Variants in GPR176 observed in about 807,000 individuals in gnomAD.
The protein encoded by GPR176 is G protein-coupled receptor 176.
GPR176 carries 26 observed loss-of-function variants against 35.4 expected under a neutral mutation model. That is an observed-to-expected ratio of 0.74 (90% CI 0.54 to 1.02). The LOEUF (loss-of-function observed/expected upper bound fraction) is 1.02, where lower values mean the gene tolerates loss of function less well. Among genes scored for constraint, GPR176 ranks in the 50% least tolerant of loss-of-function variants. GPR176 has a pLI of 0.00. For missense variants in GPR176, 597 were observed against 665.3 expected (o/e 0.90, Z 1.13); for synonymous variants, 278 against 271.3 (o/e 1.02, Z -0.24).
chr15:39,831,339 C>T (rs1901064777), intron 1 of GPR176, among the ~76,000 whole-genome samples: 1 of 152,196 alleles, frequency 6.6e-6, no homozygotes, highest in African/African-American at 2.4e-5. Flanking sequence ...CACATCACAG[C>T]TTCAGCTAAA....
chr15:39,871,933 T>C (rs2032057426), intron 1 of GPR176, among the ~76,000 whole-genome samples: 1 of 152,218 alleles, frequency 6.6e-6, no homozygotes, highest in African/African-American at 2.4e-5. Context: ...TGGAAAGACA[T>C]TCATAAATAA....
chr15:39,862,070 G>A (rs184268761), intron 1 of GPR176: 2 of 152,090 alleles, frequency 1.3e-5, no homozygotes, highest in African/African-American at 4.8e-5. Context: ...CCCATTTCTG[G>A]CCCTACCTTT....
At chr15:39,894,230 T>C (rs2033005654) in intron 1 of GPR176, among the ~76,000 whole-genome samples, 1 of 127,490 alleles carries the variant, frequency 7.8e-6, no homozygotes, top group South Asian at 2.7e-4. Context: ...GCCCCTCACC[T>C]CCCGGACGGG....
chr15:39,855,287 A>G (rs985760213), intron 1 of GPR176, among the ~76,000 whole-genome samples: 1 of 152,176 alleles, frequency 6.6e-6, no homozygotes, highest in Non-Finnish European at 1.5e-5. Flanking sequence ...GAACCTTCCA[A>G]TAAAGAAGCC....
chr15:39,915,847 G>A (rs751670113), intron 1 of GPR176, among the ~76,000 whole-genome samples: 1 of 152,108 alleles, frequency 6.6e-6, no homozygotes, highest in African/African-American at 2.4e-5. Context: ...GCCACTGCAC[G>A]CCAGCCTGAG....
In GPR176 at chr15:39,801,403, C is replaced by A. The variant is rs1466071306; in HGVS notation, c.1277G>T (p.Ser426Ile). 6.8e-6 allele frequency: 11 copies of A among 1,614,080 alleles called. No individual in the cohort carries two copies. The East Asian group carries it at 2.4e-4, about 36-fold the overall frequency. The change falls in exon 3 of 3, where the codon AGC (serine) becomes ATC (isoleucine). Residue 426 changes from serine to isoleucine, a missense_variant. Physicochemically the swap from Ser to Ile is moderately radical, Grantham distance 142. Transcript: ENST00000561100. The part of the protein sequence containing the change: ...PQFAPSAPPL[S>I]TVDSVSQVAP... ...CACCTGGGATACAGAGTCCACTGTG[C>A]TCAGGGGTGGGGCAGAGGGCGCAAA...
intron 1 of GPR176, among the ~76,000 whole-genome samples, chr15:39,906,968 G>A (rs1257023050): frequency 6.6e-6 from 1 of 152,182 alleles, no homozygotes; most frequent in African/African-American, 2.4e-5. Flanking sequence ...TGGAGCAAGG[G>A]AGAACACCAC....
chr15:39,831,882 C>G (rs1312140974), intron 1 of GPR176, among the ~76,000 whole-genome samples: 2 of 152,056 alleles, frequency 1.3e-5, no homozygotes, highest in Non-Finnish European at 2.9e-5. Flanking sequence ...TCATTGACTT[C>G]CCTTATCACT....
At chr15:39,841,186 T>TGCTA (rs1313374046) in intron 1 of GPR176, among the ~76,000 whole-genome samples, 1 of 152,174 alleles carries the variant, frequency 6.6e-6, no homozygotes, top group Non-Finnish European at 1.5e-5. Flanking sequence ...GGATGAATCC[T>TGCTA]GCTAGCTAGC....
At chr15:39,876,230 G>A (rs2032241063) in intron 1 of GPR176, among the ~76,000 whole-genome samples, 1 of 151,962 alleles carries the variant, frequency 6.6e-6, no homozygotes, top group South Asian at 2.1e-4. Flanking sequence ...AAAAATAAAT[G>A]CTTCAGCTGC....
At chr15:39,878,352 T>C (rs376100633) in intron 1 of GPR176, among the ~76,000 whole-genome samples, 47 of 152,234 alleles carry the variant, frequency 3.1e-4, no homozygotes, top group Middle Eastern at 3.4e-3. Flanking sequence ...ATTCCACATA[T>C]AAGTGAAATC....
At chr15:39,809,882 A>T (rs910707124) in intron 1 of GPR176, among the ~76,000 whole-genome samples, 1 of 152,212 alleles carries the variant, frequency 6.6e-6, no homozygotes, top group African/African-American at 2.4e-5. Flanking sequence ...GCGGTGGCTC[A>T]TGCCTGTAAT....
chr15:39,807,593 C>G (rs1408982150), intron 1 of GPR176: 2 of 1,446,986 alleles, frequency 1.4e-6, no homozygotes, highest in East Asian at 5.0e-5. Context: ...CTGCTCTTAT[C>G]AAGTTTTCTA....
At chr15:39,822,940 A>G (rs1176801178) in intron 1 of GPR176, among the ~76,000 whole-genome samples, 3 of 152,208 alleles carry the variant, frequency 2.0e-5, no homozygotes, top group Non-Finnish European at 4.4e-5. Context: ...GGATGGTAGC[A>G]TTTACCTTTA....
At chr15:39,817,808 T>A (rs1900016927) in intron 1 of GPR176, among the ~76,000 whole-genome samples, 1 of 152,192 alleles carries the variant, frequency 6.6e-6, no homozygotes, top group South Asian at 2.1e-4. Context: ...TTAAGCTCTG[T>A]GGAGCAGGGA....
At chr15:39,806,495 A>G (rs772762133) in intron 2 of GPR176, among the ~76,000 whole-genome samples, 3 of 152,220 alleles carry the variant, frequency 2.0e-5, no homozygotes, top group Non-Finnish European at 2.9e-5. Context: ...TAGGAAGAGA[A>G]AGCAATCACC....
At chr15:39,877,550 C>CTTTTTTTTTTTTTTTTTT (rs56071903) in intron 1 of GPR176, among the ~76,000 whole-genome samples, 1 of 131,640 alleles carries the variant, frequency 7.6e-6, no homozygotes. Context: ...TCTTCTTCTT[C>CTTTTTTTTTTTTTTTTTT]TTTTTTTTTT....
chr15:39,834,976 A>AG (rs1901303608), intron 1 of GPR176, among the ~76,000 whole-genome samples: 1 of 152,158 alleles, frequency 6.6e-6, no homozygotes, highest in African/African-American at 2.4e-5. Context: ...TATACCTCTT[A>AG]CCCTAATGTG....
At chr15:39,858,567 G>T (rs1448999090) in intron 1 of GPR176, among the ~76,000 whole-genome samples, 1 of 152,074 alleles carries the variant, frequency 6.6e-6, no homozygotes, top group Admixed American at 6.6e-5. Context: ...CAAAAAATCA[G>T]CTGGGTGTGG....
Sources: gnomAD v4.1 joint callset for allele counts (sites outside exome capture counted in the v4.1 genomes callset) on GRCh38, gnomAD v4.1.1 for gene constraint, MANE v1.5 for transcripts, NCBI Gene and HGNC (gene_info 2026-07-23, HGNC 2026-07-21) for gene names.